Variants in PAK5 observed in about 807,000 individuals in gnomAD.
PAK5 encodes serine/threonine-protein kinase PAK 5.
Under a neutral mutation model 65.9 loss-of-function variants are expected in PAK5, and 16 were observed. That is an observed-to-expected ratio of 0.24 (90% CI 0.16 to 0.37). The LOEUF is 0.37. Among genes scored for constraint, PAK5 ranks in the 10% least tolerant of loss-of-function variants. The pLI is 1.00. For synonymous variants in PAK5, 371 were observed against 354.9 expected (o/e 1.05, Z -0.51); for missense variants, 785 against 903.9 (o/e 0.87, Z 1.69).
intron 6 of PAK5, among the ~76,000 whole-genome samples, chr20:9,559,505 G>A (rs551833797): frequency 6.6e-6 from 1 of 152,248 alleles, no homozygotes; most frequent in African/African-American, 2.4e-5. Flanking sequence ...TCCCCTCAAG[G>A]AGGATTTGGC....
chr20:9,578,870 A>T (rs1568976024), intron 4 of PAK5, among the ~76,000 whole-genome samples: 2 of 146,060 alleles, frequency 1.4e-5, no homozygotes, highest in Non-Finnish European at 1.5e-5. Context: ...ACCACGAGAT[A>T]AAAAAAAAAC....
At chr20:9,690,476 A>G (rs1487083614) in intron 2 of PAK5, among the ~76,000 whole-genome samples, 1 of 152,138 alleles carries the variant, frequency 6.6e-6, no homozygotes, top group Non-Finnish European at 1.5e-5. Context: ...GTAGGGAAGT[A>G]GGGAAATAAT....
intron 2 of PAK5, among the ~76,000 whole-genome samples, chr20:9,682,744 G>A (rs1282124808): frequency 2.0e-5 from 3 of 152,160 alleles, no homozygotes; most frequent in African/African-American, 7.2e-5. Flanking sequence ...TCTTAAATAG[G>A]TGTAAGAAGG....
intron 2 of PAK5, among the ~76,000 whole-genome samples, chr20:9,698,931 A>T (rs965351591): frequency 6.6e-6 from 1 of 152,190 alleles, no homozygotes; most frequent in Non-Finnish European, 1.5e-5. Context: ...CATTTTTAAA[A>T]TTTTTCCTAT....
intron 2 of PAK5, among the ~76,000 whole-genome samples, chr20:9,671,328 G>T (rs550543557): frequency 6.6e-6 from 1 of 152,278 alleles, no homozygotes; most frequent in Non-Finnish European, 1.5e-5. Flanking sequence ...TTGGTAGCTT[G>T]ATGAGGATGG....
intron 2 of PAK5, among the ~76,000 whole-genome samples, chr20:9,663,228 T>C (rs1013612672): frequency 2.6e-5 from 4 of 152,178 alleles, no homozygotes; most frequent in African/African-American, 9.7e-5. Flanking sequence ...TACCCAACCT[T>C]GATTTTAGTC....
intron 2 of PAK5, among the ~76,000 whole-genome samples, chr20:9,709,803 TTGAGG>T (rs1209878351): frequency 6.6e-6 from 1 of 151,740 alleles, no homozygotes; most frequent in Non-Finnish European, 1.5e-5. Context: ...GAGCACAGAC[TTGAGG>T]GTTGTCCACC....
intron 1 of PAK5, among the ~76,000 whole-genome samples, chr20:9,793,212 T>C (rs1293578904): frequency 6.6e-6 from 1 of 152,164 alleles, no homozygotes; most frequent in African/African-American, 2.4e-5. Flanking sequence ...CAAAAGATAC[T>C]GTGCTAACTT....
At chr20:9,680,644 G>A (rs2047637220) in intron 2 of PAK5, among the ~76,000 whole-genome samples, 2 of 152,148 alleles carry the variant, frequency 1.3e-5, no homozygotes, top group South Asian at 2.1e-4. Flanking sequence ...CCCTGAGCAT[G>A]TTTCTGTGAC....
chr20:9,550,055 A>C (rs1339607080), intron 7 of PAK5, among the ~76,000 whole-genome samples: 1 of 152,210 alleles, frequency 6.6e-6, no homozygotes, highest in South Asian at 2.1e-4. Context: ...TTCGTTTTAC[A>C]CCAGCATGTA....
In PAK5 at chr20:9,754,893, T is replaced by C. The variant is rs2048616152; in HGVS notation, c.-161-43458A>G. Among the ~76,000 whole-genome samples, 3 of 152,308 alleles carry C rather than the reference T, an allele frequency of 2.0e-5. No homozygotes were observed. The South Asian group carries it at 6.2e-4, about 32-fold the overall frequency. Reference sequence around the variant, plus strand: ...GCAAAGGCAGTTTCAATAAGTTGTATAGAAAGGAACTCAACTACCTTTGTC... The same window carrying C: ...GCAAAGGCAGTTTCAATAAGTTGTACAGAAAGGAACTCAACTACCTTTGTC... On this transcript the variant is annotated intron_variant, in intron 1 of 9. Transcript: ENST00000353224.
intron 1 of PAK5, among the ~76,000 whole-genome samples, chr20:9,714,290 C>T (rs1762704487): frequency 6.6e-6 from 1 of 152,058 alleles, no homozygotes; most frequent in Non-Finnish European, 1.5e-5. Context: ...ATAGGTCAAC[C>T]TAAATTCCTA....
chr20:9,663,304 T>G (rs1313163761), intron 2 of PAK5, among the ~76,000 whole-genome samples: 1 of 152,152 alleles, frequency 6.6e-6, no homozygotes, highest in African/African-American at 2.4e-5. Flanking sequence ...TCTGGCAAAA[T>G]AACATCGAGG....
chr20:9,770,528 C>G (rs2048821270), intron 1 of PAK5, among the ~76,000 whole-genome samples: 1 of 152,120 alleles, frequency 6.6e-6, no homozygotes, highest in African/African-American at 2.4e-5. Context: ...GTGTGTTTCA[C>G]TCCATCTGTG....
chr20:9,617,191 A>C (rs2046672787), intron 3 of PAK5, among the ~76,000 whole-genome samples: 1 of 152,246 alleles, frequency 6.6e-6, no homozygotes, highest in Non-Finnish European at 1.5e-5. Context: ...GCCAAGTTAA[A>C]GCTTCAATAC....
intron 3 of PAK5, among the ~76,000 whole-genome samples, chr20:9,600,288 A>G (rs933759501): frequency 2.0e-5 from 3 of 152,086 alleles, no homozygotes; most frequent in African/African-American, 4.8e-5. Flanking sequence ...GGAGGTGTGA[A>G]TCCTCTAACA....
At chr20:9,607,075 C>T (rs1369375535) in intron 3 of PAK5, among the ~76,000 whole-genome samples, 1 of 152,162 alleles carries the variant, frequency 6.6e-6, no homozygotes, top group Non-Finnish European at 1.5e-5. Flanking sequence ...TAACTTCCTC[C>T]TCCCATACCT....
At chr20:9,773,749 T>C (rs1303723685) in intron 1 of PAK5, among the ~76,000 whole-genome samples, 2 of 152,190 alleles carry the variant, frequency 1.3e-5, no homozygotes, top group Non-Finnish European at 2.9e-5. Flanking sequence ...GTGCCTTGTA[T>C]ATTTTATTAT....
At chr20:9,559,710 C>A (rs2045563948) in intron 6 of PAK5, among the ~76,000 whole-genome samples, 1 of 151,842 alleles carries the variant, frequency 6.6e-6, no homozygotes, top group East Asian at 1.9e-4. Flanking sequence ...TTGCAGTGAG[C>A]GGAGATAGCG....
Sources: allele counts gnomAD v4.1 joint callset (sites outside exome capture counted in the v4.1 genomes callset), GRCh38; gene constraint gnomAD v4.1.1; transcripts MANE v1.5; gene names NCBI Gene and HGNC (gene_info 2026-07-23, HGNC 2026-07-21).